Variants in NCOA7 observed in about 807,000 individuals in gnomAD.
The protein encoded by NCOA7 is nuclear receptor coactivator 7, also known as 140 kDa estrogen receptor-associated protein.
Under a neutral mutation model 104.3 loss-of-function variants are expected in NCOA7, and 45 were observed. The observed-to-expected ratio is 0.43, with a 90% confidence interval of 0.34 to 0.55. The LOEUF is 0.55. Ranked by LOEUF, NCOA7 falls within the 20% of genes least tolerant of loss-of-function variation. The pLI is 0.02. For synonymous variants in NCOA7, 398 were observed against 402.3 expected, an observed-to-expected ratio of 0.99 and a Z score of 0.13; for missense variants, 1,041 against 1,119.7, an observed-to-expected ratio of 0.93 and a Z score of 1.00.
chr6:125,914,502 G>A (rs1786879135), intron 10 of NCOA7, among the ~76,000 whole-genome samples: 1 of 152,142 alleles, frequency 6.6e-6, no homozygotes, highest in African/African-American at 2.4e-5. Context: ...GCAATTTTAT[G>A]TAATTATAAA....
At chr6:125,785,291 C>T (rs1304627937) in intron 1 of NCOA7, among the ~76,000 whole-genome samples, 4 of 152,100 alleles carry the variant, frequency 2.6e-5, no homozygotes, top group Non-Finnish European at 5.9e-5. Flanking sequence ...TGAGCTAACA[C>T]GGTGCCACTG....
At chr6:125,845,799 C>T (rs912625144) in intron 2 of NCOA7, among the ~76,000 whole-genome samples, 2 of 152,124 alleles carry the variant, frequency 1.3e-5, no homozygotes, top group East Asian at 3.8e-4. Context: ...CTTCTCTCCC[C>T]ACTCATTGAC....
chr6:125,784,860 C>T (rs1253757003), intron 1 of NCOA7, among the ~76,000 whole-genome samples: 3 of 151,978 alleles, frequency 2.0e-5, no homozygotes, highest in Non-Finnish European at 4.4e-5. Flanking sequence ...TTAGTGGTTG[C>T]CAGAAATAGG....
At chr6:125,856,436 T>C (rs982396167) in intron 3 of NCOA7, among the ~76,000 whole-genome samples, 1 of 152,112 alleles carries the variant, frequency 6.6e-6, no homozygotes, top group African/African-American at 2.4e-5. Context: ...CACTGTAAGC[T>C]CTGCCTCCCG....
intron 11 of NCOA7, chr6:125,919,527 G>A (rs573170124): frequency 8.2e-7 from 1 of 1,223,638 alleles, no homozygotes; most frequent in Non-Finnish European, 1.2e-6. Flanking sequence ...AATTAGAAAG[G>A]ATTGTGCTGA....
At position 125,889,975 on chromosome 6, in the gene NCOA7, A is replaced by G. The variant is rs1292878273; in HGVS notation, c.1921A>G (p.Ile641Val). 1.3e-6 allele frequency: 2 copies of G among 1,516,312 alleles called. No individual in the cohort carries two copies. The highest frequency in any genetic ancestry group is 2.3e-5 in the Admixed American group (1 of 44,230). The allele number at this position is 1,516,312 out of a possible 1,614,324, so 93.9% of individuals were successfully genotyped here. A position where few individuals can be genotyped will look rare whatever the true frequency, so the allele number is the denominator to read the frequency against. The change falls in exon 9 of 16, where the codon ATT becomes GTT. Residue 641 changes from isoleucine to valine, a missense_variant. Physicochemically the swap from Ile to Val is conservative, Grantham distance 29. This residue lies in a region of NCOA7 where 914 missense variants were observed against 942.7 expected (regional missense o/e 0.97). Transcript: ENST00000392477. ...GCTGTTAAAGAGAATTCAGGTACCC[A>G]TTGAAGGTAAGCTGTTTTTCTTTAA... is the stretch of plus-strand genomic sequence containing the variant. ...LWLLKRIQVP[I>V]EDILPSKEEK... is the part of the protein sequence containing the mutation.
intron 1 of NCOA7, among the ~76,000 whole-genome samples, chr6:125,805,194 C>T (rs971356504): frequency 2.1e-5 from 3 of 141,646 alleles, no homozygotes; most frequent in Non-Finnish European, 1.5e-5. Flanking sequence ...TTCCCAGGTT[C>T]AAGCAATTCT....
At chr6:125,816,960 C>T (rs1024841254) in intron 2 of NCOA7, among the ~76,000 whole-genome samples, 1 of 152,200 alleles carries the variant, frequency 6.6e-6, no homozygotes, top group Non-Finnish European at 1.5e-5. Flanking sequence ...CTCTGACAAC[C>T]ACTATAATTT....
intron 1 of NCOA7, among the ~76,000 whole-genome samples, chr6:125,782,355 T>C (rs539263199): frequency 1.8e-4 from 28 of 152,368 alleles, no homozygotes; most frequent in African/African-American, 6.5e-4. Context: ...TGATGCTTTA[T>C]CATACATACT....
intron 2 of NCOA7, among the ~76,000 whole-genome samples, chr6:125,849,054 C>A (rs1780880754): frequency 6.6e-6 from 1 of 152,202 alleles, no homozygotes; most frequent in African/African-American, 2.4e-5. Flanking sequence ...GAAATATTTA[C>A]TGAGTACCTA....
chr6:125,819,511 T>C (rs1364864692), intron 2 of NCOA7, among the ~76,000 whole-genome samples: 1 of 152,122 alleles, frequency 6.6e-6, no homozygotes, highest in African/African-American at 2.4e-5. Context: ...TAAATCTAGA[T>C]TGAATGATTT....
chr6:125,857,927 G>C (rs1322856666), intron 3 of NCOA7, among the ~76,000 whole-genome samples: 3 of 151,078 alleles, frequency 2.0e-5, no homozygotes, highest in African/African-American at 4.9e-5. Flanking sequence ...ATTTCTCGCT[G>C]TAATAGGATA....
chr6:125,814,213 G>A (rs1253815036), intron 1 of NCOA7, among the ~76,000 whole-genome samples: 2 of 152,094 alleles, frequency 1.3e-5, no homozygotes, highest in Non-Finnish European at 2.9e-5. Context: ...GGAGTGCGGT[G>A]GTGCCATCTT....
At chr6:125,850,568 G>T (rs1383883835) in intron 2 of NCOA7, among the ~76,000 whole-genome samples, 1 of 152,182 alleles carries the variant, frequency 6.6e-6, no homozygotes, top group African/African-American at 2.4e-5. Context: ...GTTCATCAAA[G>T]CACATGCCCC....
chr6:125,860,816 A>G (rs1227627346), intron 3 of NCOA7, among the ~76,000 whole-genome samples: 4 of 152,212 alleles, frequency 2.6e-5, no homozygotes, highest in African/African-American at 9.6e-5. Context: ...AAGATTGGAA[A>G]GAGATGGGCA....
intron 8 of NCOA7, among the ~76,000 whole-genome samples, chr6:125,887,473 C>A (rs1403544910): frequency 6.6e-6 from 1 of 152,116 alleles, no homozygotes; most frequent in Non-Finnish European, 1.5e-5. Flanking sequence ...CAGAATATAG[C>A]ACTTAGGGGC....
At chr6:125,835,891 G>A (rs1225907639) in intron 2 of NCOA7, among the ~76,000 whole-genome samples, 1 of 152,188 alleles carries the variant, frequency 6.6e-6, no homozygotes, top group African/African-American at 2.4e-5. Flanking sequence ...TTTTAAAAAG[G>A]AGAATGACAT....
In NCOA7 at chr6:125,848,488, A is replaced by G. The variant is rs545416329; in HGVS notation, c.51-6532A>G. Among the ~76,000 whole-genome samples the G allele has an allele frequency of 4.0e-3, 613 of 152,324 alleles. 7 individuals are homozygous for G. Among genetic ancestry groups the G allele is most frequent in the African/African-American group, 0.014 (595 of 41,564 alleles). ...TGCAGCCATAAAAAAGGATGAGTTC[A>G]TATCCTTTACAGGGACATGAATGAA... On this transcript the variant is annotated intron_variant, in intron 2 of 15. Coordinates refer to ENST00000392477, the MANE Select transcript of NCOA7 (RefSeq NM_181782.5).
chr6:125,815,415 A>T lies in NCOA7; in HGVS notation c.50+11A>T, dbSNP rs1181550611. 1 of 1,604,794 alleles carries T rather than the reference A, an allele frequency of 6.2e-7. No individual in the cohort carries two copies. The highest frequency in any genetic ancestry group is 1.7e-5 in the Admixed American group (1 of 58,734). On this transcript the variant is annotated intron_variant, in intron 2 of 15. Transcript: ENST00000392477. The stretch of plus-strand genomic sequence containing the variant: ...AAGTTATTTTGCTCGGTAAGCATTC[A>T]TTTTACAAAATTGTTATCAGTACTT...
Sources: allele counts gnomAD v4.1 joint callset (sites outside exome capture counted in the v4.1 genomes callset), GRCh38; gene constraint gnomAD v4.1.1; regional missense constraint gnomAD v4.1.1; transcripts MANE v1.5; gene names NCBI Gene and HGNC (gene_info 2026-07-23, HGNC 2026-07-21).